Variants in WWC1 observed in about 807,000 individuals in gnomAD.
WWC1 encodes the protein protein KIBRA.
In WWC1, 55 loss-of-function variants were observed where a neutral mutation model predicts 138.4. That is an observed-to-expected ratio of 0.40 (90% CI 0.32 to 0.50). The LOEUF is 0.50. Among genes scored for constraint, WWC1 ranks in the 20% least tolerant of loss-of-function variants. The probability of loss-of-function intolerance (pLI) is 0.72; values close to 1 mark genes in which losing one functional copy is unlikely to be tolerated. For synonymous variants in WWC1, 524 were observed against 564.9 expected, an observed-to-expected ratio of 0.93 and a Z score of 1.03; for missense variants, 1,226 against 1,420.4, an observed-to-expected ratio of 0.86 and a Z score of 2.20.
chr5:168,430,070 G>A (rs1325965032), intron 13 of WWC1, 67 bp from the exon 14 acceptor site: 1 of 1,308,294 alleles, frequency 7.6e-7, no homozygotes, highest in Non-Finnish European at 1.1e-6. Context: ...GACTTTTAAT[G>A]GAGAGAAGGA....
intron 9 of WWC1, among the ~76,000 whole-genome samples, chr5:168,419,018 G>A (rs907690740): frequency 6.6e-5 from 10 of 152,276 alleles, no homozygotes; most frequent in South Asian, 2.1e-4. Flanking sequence ...GTGATTTCAC[G>A]GATTTAGTTG....
intron 1 of WWC1, among the ~76,000 whole-genome samples, chr5:168,370,147 C>T (rs941513413): frequency 2.0e-5 from 3 of 152,124 alleles, no homozygotes; most frequent in African/African-American, 7.2e-5. Flanking sequence ...GATCCACCCA[C>T]CTCAGCCTCC....
At chr5:168,384,733 T>TTTTTTTTTTTTTTTTTTTTTG (rs1554101623) in intron 2 of WWC1, among the ~76,000 whole-genome samples, 2 of 144,472 alleles carry the variant, frequency 1.4e-5, no homozygotes, top group Non-Finnish European at 3.0e-5. Flanking sequence ...TTTTTTTTTT[T>TTTTTTTTTTTTTTTTTTTTTG]TTCAGACAGA....
At chr5:168,419,557 G>A (rs1780921469) in intron 9 of WWC1, among the ~76,000 whole-genome samples, 1 of 152,156 alleles carries the variant, frequency 6.6e-6, no homozygotes, top group Non-Finnish European at 1.5e-5. Context: ...AGATTTCTGG[G>A]CCCTACCCCT....
At chr5:168,323,187 A>G (rs1772259046) in intron 1 of WWC1, among the ~76,000 whole-genome samples, 1 of 152,232 alleles carries the variant, frequency 6.6e-6, no homozygotes, top group African/African-American at 2.4e-5. Context: ...AGATGAGTTT[A>G]ATAGTAGATC....
At chr5:168,339,205 G>A (rs982568923) in intron 1 of WWC1, among the ~76,000 whole-genome samples, 1 of 152,182 alleles carries the variant, frequency 6.6e-6, no homozygotes, top group Non-Finnish European at 1.5e-5. Context: ...CTCAGCAGGG[G>A]TAAGGACAAA....
At chr5:168,387,491 A>C (rs1201182316) in intron 3 of WWC1, among the ~76,000 whole-genome samples, 1 of 152,218 alleles carries the variant, frequency 6.6e-6, no homozygotes, top group East Asian at 1.9e-4. Context: ...TTTAGCACTT[A>C]ATCTGTCTTA....
At chr5:168,391,633 T>C (rs1436159354) in intron 3 of WWC1, among the ~76,000 whole-genome samples, 1 of 133,482 alleles carries the variant, frequency 7.5e-6, no homozygotes, top group Non-Finnish European at 1.5e-5. Flanking sequence ...CACTCCAGCC[T>C]GGGCAACAGA....
Position 168,438,054 on chromosome 5 carries a change from A to T in WWC1, c.2281-3628A>T, listed in dbSNP as rs201314901. On this transcript the variant is annotated intron_variant, in intron 15 of 22. Transcript: ENST00000265293. Reference sequence around the variant, plus strand: ...TGTGCCAAGCATTTAATTACCTCTGATCCTCCCAATAGGCTGGTAGGTAGG... The same window carrying T: ...TGTGCCAAGCATTTAATTACCTCTGTTCCTCCCAATAGGCTGGTAGGTAGG... Among the ~76,000 whole-genome samples, 4 of 152,232 alleles carry T rather than the reference A, an allele frequency of 2.6e-5. No individual in the cohort carries two copies. The East Asian group carries it at 7.7e-4, about 29-fold the overall frequency.
At chr5:168,341,483 A>G (rs1192451493) in intron 1 of WWC1, among the ~76,000 whole-genome samples, 1 of 152,118 alleles carries the variant, frequency 6.6e-6, no homozygotes, top group East Asian at 1.9e-4. Context: ...CTCCAGCCCC[A>G]GGCAGGAACA....
At chr5:168,468,885 C>T (rs1757526868) in intron 22 of WWC1, 66 bp from the exon 23 acceptor site, 5 of 1,557,416 alleles carry the variant, frequency 3.2e-6, no homozygotes, top group Non-Finnish European at 4.4e-6. Flanking sequence ...AAAGAATTAT[C>T]CTGCCCAGAA....
chr5:168,467,315 A>G (rs913392274), intron 21 of WWC1, among the ~76,000 whole-genome samples: 6 of 152,212 alleles, frequency 3.9e-5, no homozygotes, highest in Non-Finnish European at 7.3e-5. Context: ...TCTTTGTGCA[A>G]TGTTTTCAAG....
intron 9 of WWC1, among the ~76,000 whole-genome samples, chr5:168,418,474 C>T (rs898776044): frequency 1.3e-5 from 2 of 152,312 alleles, no homozygotes; most frequent in Admixed American, 1.3e-4. Flanking sequence ...TCTGGATCCT[C>T]TGCCTGCCTC....
At chr5:168,321,227 T>C (rs1047567942) in intron 1 of WWC1, among the ~76,000 whole-genome samples, 1 of 152,158 alleles carries the variant, frequency 6.6e-6, no homozygotes, top group Admixed American at 6.5e-5. Flanking sequence ...AGTTATAGCT[T>C]CCCCTTTTCT....
chr5:168,437,162 C>T (rs1561765169), intron 15 of WWC1, among the ~76,000 whole-genome samples: 1 of 152,170 alleles, frequency 6.6e-6, no homozygotes, highest in Non-Finnish European at 1.5e-5. Flanking sequence ...TGCTCCCTCA[C>T]CTCCTTCTGG....
chr5:168,317,875 G>A (rs975081514), intron 1 of WWC1, among the ~76,000 whole-genome samples: 1 of 152,144 alleles, frequency 6.6e-6, no homozygotes, highest in African/African-American at 2.4e-5. Flanking sequence ...TGAATGATGC[G>A]TTATCAGTGT....
chr5:168,393,870 G>A (rs753484458), intron 3 of WWC1, among the ~76,000 whole-genome samples: 1 of 152,172 alleles, frequency 6.6e-6, no homozygotes, highest in African/African-American at 2.4e-5. Context: ...CAGAATGTGA[G>A]GTTGAATTAG....
At chr5:168,353,811 G>A (rs920730738) in intron 1 of WWC1, among the ~76,000 whole-genome samples, 3 of 152,180 alleles carry the variant, frequency 2.0e-5, no homozygotes, top group Non-Finnish European at 4.4e-5. Context: ...AGAACCTCCT[G>A]GGAGTAGTCC....
At chr5:168,366,802 C>CT (rs202012790) in intron 1 of WWC1, among the ~76,000 whole-genome samples, 2,043 of 100,448 alleles carry the variant, frequency 0.02, 95 homozygotes, top group African/African-American at 0.043. Context: ...CTTTGAAACA[C>CT]TTTTTTTTTT....
Sources: allele counts gnomAD v4.1 joint callset (sites outside exome capture counted in the v4.1 genomes callset), GRCh38; gene constraint gnomAD v4.1.1; transcripts MANE v1.5; gene names NCBI Gene and HGNC (gene_info 2026-07-23, HGNC 2026-07-21).